Variants in PTPRN observed in about 807,000 individuals in gnomAD.
PTPRN encodes the protein protein tyrosine phosphatase receptor type N, also known as receptor-type tyrosine-protein phosphatase-like N.
PTPRN carries 70 observed loss-of-function variants against 108.5 expected under a neutral mutation model. That is an observed-to-expected ratio of 0.65 (90% CI 0.53 to 0.79). PTPRN has a LOEUF of 0.79. PTPRN is among the 30% of genes least tolerant of loss of function. The pLI is 0.00. For missense variants in PTPRN, 1,136 were observed against 1,295.5 expected (o/e 0.88, Z 1.89); for synonymous variants, 496 against 524.6 (o/e 0.95, Z 0.75).
chr2:219,301,073 A>G lies in PTPRN; in HGVS notation c.1127-96T>C. 3 of 1,237,528 alleles carry G rather than the reference A, an allele frequency of 2.4e-6. No individual in the cohort carries two copies. In the Admixed American group the frequency reaches 5.4e-5, roughly 22 times the overall value. 76.7% of individuals were successfully genotyped at this position (1,237,528 alleles called of 1,614,324 possible). On this transcript the variant is annotated intron_variant, in intron 7 of 22. Transcript: ENST00000295718. ...AAGGGCCAGAGACCCTGAGCCTGGA[A>G]CATTTGCTGTGGTCTTCATCTCAGT...
chr2:219,308,420 C>G (rs1029809740), intron 1 of PTPRN: 1 of 189,984 alleles, frequency 5.3e-6, no homozygotes, highest in Non-Finnish European at 1.1e-5. Context: ...GGACTCTCCA[C>G]TAGACCTGAG....
rs1952300491 is a variant in PTPRN at position 219,299,980 on chromosome 2, C to A, written c.1436+5G>T. 6.2e-7 allele frequency: 1 copy of A among 1,614,078 alleles called. No homozygotes were observed. Among genetic ancestry groups the A allele is most frequent in the Non-Finnish European group, 8.5e-7 (1 of 1,180,040 alleles). On this transcript the variant is annotated splice_donor_5th_base_variant and intron_variant, in intron 9 of 22. Coordinates refer to ENST00000295718, the MANE Select transcript of PTPRN (RefSeq NM_002846.4). ...CCAGAAAGCTTCCCAGGATGCAGCCCTTACTTCTGATCAGTGACGATGTAG... is the reference window on the plus strand; with the variant it reads ...CCAGAAAGCTTCCCAGGATGCAGCCATTACTTCTGATCAGTGACGATGTAG...
chr2:219,303,594 G>A (rs999335296), intron 4 of PTPRN, 141 bp downstream of exon 4: 5 of 765,498 alleles, frequency 6.5e-6, no homozygotes, highest in Non-Finnish European at 1.1e-5. Flanking sequence ...ATGTCAGAGA[G>A]TGACCATTCC....
At chr2:219,308,742 G>A (rs1030312517) in intron 1 of PTPRN, 37 of 1,034,140 alleles carry the variant, frequency 3.6e-5, no homozygotes, top group Non-Finnish European at 4.4e-5. Flanking sequence ...AGCTTCTCTA[G>A]GCTTACGGAG....
At chr2:219,300,305 G>A (rs768177882) in intron 8 of PTPRN, 46 bp from the exon 9 acceptor site, 166 of 1,505,836 alleles carry the variant, frequency 1.1e-4, no homozygotes, top group Middle Eastern at 2.4e-4. Flanking sequence ...AGTGCTGGGG[G>A]AAGGGGTACC....
intron 12 of PTPRN, 52 bp downstream of exon 12, chr2:219,298,995 G>A (rs1952273566): frequency 2.5e-6 from 4 of 1,602,584 alleles, no homozygotes; most frequent in East Asian, 2.2e-5. Context: ...CAGCTCTTGC[G>A]GACAACATCA....
chr2:219,301,441 G>A, intron 7 of PTPRN, 147 bp downstream of exon 7: 1 of 1,172,504 alleles, frequency 8.5e-7, no homozygotes, highest in East Asian at 2.4e-5. Flanking sequence ...TCCCTGCCTT[G>A]CTGGCAATGA....
rs1476232814 is a variant in PTPRN at position 219,289,835 on chromosome 2, GGCGACCCTCCACCCCATT to G, written c.*373_*390del. 1.6e-5 allele frequency: 3 copies of G among 182,896 alleles called. No homozygotes were observed. The highest frequency in any genetic ancestry group is 7.1e-5 in the African/African-American group (3 of 42,372). 11.3% of individuals were successfully genotyped at this position (182,896 alleles called of 1,614,324 possible). On this transcript the variant is annotated 3_prime_UTR_variant, in exon 23 of 23. Transcript: ENST00000295718. Reference sequence around the variant, plus strand: ...CTGAGAAGCAGGGGGAGCCGGGTGTGGCGACCCTCCACCCCATTCTTCCATACTGGAGCATAGGGGGAC... The same window carrying G: ...CTGAGAAGCAGGGGGAGCCGGGTGTGCTTCCATACTGGAGCATAGGGGGAC...
chr2:219,307,645 T>C, intron 2 of PTPRN, 88 bp from the exon 3 acceptor site: 2 of 1,455,428 alleles, frequency 1.4e-6, no homozygotes, highest in Non-Finnish European at 1.9e-6. Flanking sequence ...TCTCTTCACT[T>C]TCTCCCCTAC....
intron 19 of PTPRN, among the ~76,000 whole-genome samples, chr2:219,294,482 AAG>A (rs1181206305): frequency 8.7e-6 from 1 of 114,690 alleles, no homozygotes; most frequent in Non-Finnish European, 1.5e-5. Flanking sequence ...ACACAGAAAA[AAG>A]AGGCGAAGAG....
In PTPRN at chr2:219,291,674, G is replaced by C. The variant is rs540579810; in HGVS notation, c.2676-151C>G. 7 of 802,238 alleles carry C rather than the reference G, an allele frequency of 8.7e-6. No homozygotes were observed. The African/African-American group carries it at 1.2e-4, about 14-fold the overall frequency. 49.7% of individuals were successfully genotyped at this position (802,238 alleles called of 1,614,324 possible). A position where few individuals can be genotyped will look rare whatever the true frequency, so the allele number is the denominator to read the frequency against. ...TGGTTGGAGAAAGGAGCCAGGGCTG[G>C]AGGCAAAGAACCAGAGCTGGTGTGG... On this transcript the variant is annotated intron_variant, in intron 19 of 22. Coordinates refer to ENST00000295718, the MANE Select transcript of PTPRN (RefSeq NM_002846.4).
At position 219,297,182 on chromosome 2, in the gene PTPRN, C is replaced by T. The variant is rs1052893556; in HGVS notation, c.2089-50G>A. 6.2e-7 allele frequency: 1 copy of T among 1,611,112 alleles called. No individual in the cohort carries two copies. Among genetic ancestry groups the T allele is most frequent in the Non-Finnish European group, 8.5e-7 (1 of 1,178,044 alleles). ...CTGGCCCACACAGCCAGCCTGGCCTCTCTCACCATCCCATTCCTTCACCCA... is the reference window on the plus strand; with the variant it reads ...CTGGCCCACACAGCCAGCCTGGCCTTTCTCACCATCCCATTCCTTCACCCA... On this transcript the variant is annotated intron_variant, in intron 14 of 22. Transcript: ENST00000295718. This position sits in a 1 kb window ranked among gnomAD's most constrained non-coding sequence, Gnocchi z 6.0.
chr2:219,302,134 T>C lies in PTPRN; in HGVS notation c.994+3A>G. On this transcript the variant is annotated splice_donor_region_variant and intron_variant, in intron 6 of 22. Coordinates refer to ENST00000295718, the MANE Select transcript of PTPRN (RefSeq NM_002846.4). ...GGGAGGTGGATGCTGAGGACCTTGT[T>C]ACCTGGCTGCACAGCTGGGGAAGCA... 3 of 1,569,538 alleles carry C rather than the reference T, an allele frequency of 1.9e-6. No homozygotes were observed. Among genetic ancestry groups the C allele is most frequent in the Non-Finnish European group, 2.6e-6 (3 of 1,155,168 alleles).
At chr2:219,293,079 G>A (rs1248816652) in intron 19 of PTPRN, among the ~76,000 whole-genome samples, 1 of 152,174 alleles carries the variant, frequency 6.6e-6, no homozygotes, top group Non-Finnish European at 1.5e-5. Context: ...GCGGAATGGA[G>A]GGAAGCCAAG....
rs771295684 is a variant in PTPRN, at chr2:219,294,969, G to T, written c.2675+6C>A. 11 of 1,559,382 alleles carry T rather than the reference G, an allele frequency of 7.1e-6. No homozygotes were observed. The highest frequency in any genetic ancestry group is 5.7e-5 in the Admixed American group (3 of 52,776). ...GGTCCCTCCAGGCGGGGGCGCCCGC[G>T]CTCACCTGCGGAAGTCCAGCAGGGG... is the stretch of plus-strand genomic sequence containing the variant. On this transcript the variant is annotated splice_donor_region_variant and intron_variant, in intron 19 of 22. Coordinates refer to ENST00000295718, the MANE Select transcript of PTPRN (RefSeq NM_002846.4).
rs893579477 is a variant in PTPRN at position 219,295,042 on chromosome 2, A to C, written c.2608T>G (p.Phe870Val). The stretch of plus-strand genomic sequence containing the variant: ...TCTGCCGGCCAGCTGAGGAAGTGGA[A>C]CTGCGTGAGCGTGCGCGTCTCCTGG... ...QTQETRTLTQ[F>V]HFLSWPAEGT... Residue 870 changes from phenylalanine to valine, a missense_variant, in exon 19 of 23, where the codon TTC becomes GTC. By Grantham distance (50) the Phe-to-Val change is conservative. Coordinates refer to ENST00000295718, the MANE Select transcript of PTPRN (RefSeq NM_002846.4). The C allele has an allele frequency of 1.2e-6, 2 of 1,613,146 alleles. No homozygotes were observed. Among genetic ancestry groups the C allele is most frequent in the African/African-American group, 2.7e-5 (2 of 74,982 alleles).
rs1952020232 is a variant in PTPRN, at chr2:219,290,142, G to T, written c.*84C>A. The T allele has an allele frequency of 7.8e-7, 1 of 1,275,410 alleles. No homozygotes were observed. Among genetic ancestry groups the T allele is most frequent in the Non-Finnish European group, 1.1e-6 (1 of 877,616 alleles). The allele number at this position is 1,275,410 out of a possible 1,614,324, so 79.0% of individuals were successfully genotyped here. A position where few individuals can be genotyped will look rare whatever the true frequency, so the allele number is the denominator to read the frequency against. Reference sequence around the variant, plus strand: ...AGCATGCCCAAGAGGTGGCTGGTGGGGCAGTGAGGAGTGGGTACACAGAGA... The same window carrying T: ...AGCATGCCCAAGAGGTGGCTGGTGGTGCAGTGAGGAGTGGGTACACAGAGA... On this transcript the variant is annotated 3_prime_UTR_variant, in exon 23 of 23. Coordinates refer to ENST00000295718, the MANE Select transcript of PTPRN (RefSeq NM_002846.4). This position sits in a 1 kb window ranked among gnomAD's most constrained non-coding sequence, Gnocchi z 4.2.
chr2:219,302,525 A>C (rs757474635), intron 5 of PTPRN, 34 bp from the exon 6 acceptor site: 20 of 1,613,644 alleles, frequency 1.2e-5, no homozygotes, highest in Non-Finnish European at 1.6e-5. Flanking sequence ...TAAGAGCAGA[A>C]GTCCGGGCTG....
In PTPRN at chr2:219,307,509, A is replaced by G; in HGVS notation, c.215T>C (p.Leu72Pro). The G allele has an allele frequency of 6.2e-7, 1 of 1,614,126 alleles. No homozygotes were observed. Among genetic ancestry groups the G allele is most frequent in the Admixed American group, 1.7e-5 (1 of 60,000 alleles). ...GAGAACTGGGGAGGTGACTTGCAAA[A>G]GGGGCCGGGCCTGCCCCACTCCCAC... ...CQVGVGQARP[L>P]LQVTSPVLQR... is the part of the protein sequence containing the mutation. The change falls in exon 3 of 23, where the codon CTT (leucine) becomes CCT (proline). Residue 72 changes from leucine (L) to proline (P), a missense_variant. By Grantham distance (98) the Leu-to-Pro change is moderately conservative (BLOSUM62 -3). Coordinates refer to ENST00000295718, the MANE Select transcript of PTPRN (RefSeq NM_002846.4).
Sources: gnomAD v4.1 joint callset for allele counts (sites outside exome capture counted in the v4.1 genomes callset) on GRCh38, gnomAD v4.1.1 for gene constraint, Gnocchi (gnomAD v3.1) non-coding constraint, MANE v1.5 for transcripts, NCBI Gene and HGNC (gene_info 2026-07-23, HGNC 2026-07-21) for gene names.